CHRNA7: variants seen among roughly 807,000 people sequenced by gnomAD.
The protein encoded by CHRNA7 is neuronal acetylcholine receptor subunit alpha-7.
CHRNA7 carries 17 observed loss-of-function variants against 48.0 expected under a neutral mutation model. The observed-to-expected ratio is 0.35, with a 90% CI of 0.24 to 0.53. The LOEUF is 0.53. Among genes scored for constraint, CHRNA7 ranks in the 20% least tolerant of loss-of-function variants. The pLI is 0.92. For synonymous variants in CHRNA7, 75 were observed against 242.3 expected, an observed-to-expected ratio of 0.31 and a Z score of 6.41; for missense variants, 155 against 577.7, an observed-to-expected ratio of 0.27 and a Z score of 7.50.
At chr15:32,100,880 A>G (rs1235127032) in intron 2 of CHRNA7, 2 of 177,996 alleles carry the variant, frequency 1.1e-5, no homozygotes, top group African/African-American at 4.8e-5. Context: ...AGGGAGGCAT[A>G]ACATACTTGT....
chr15:32,125,333 C>T (rs532452678), intron 4 of CHRNA7, among the ~76,000 whole-genome samples: 65 of 152,306 alleles, frequency 4.3e-4, no homozygotes, highest in African/African-American at 1.3e-3. Context: ...CTGAGGAAAA[C>T]GATAAAAATT....
At chr15:32,134,993 C>G (rs1036193901) in intron 4 of CHRNA7, among the ~76,000 whole-genome samples, 3 of 152,196 alleles carry the variant, frequency 2.0e-5, no homozygotes, top group African/African-American at 7.2e-5. Flanking sequence ...TTCTGTGCAC[C>G]AGGTCCTGTT....
chr15:32,117,023 C>G (rs918441013), intron 4 of CHRNA7, among the ~76,000 whole-genome samples: 4 of 152,124 alleles, frequency 2.6e-5, no homozygotes, highest in Admixed American at 2.6e-4. Flanking sequence ...TTGTGCTCAT[C>G]ATTGTTGCCA....
At chr15:32,114,027 T>TATAC (rs1555383650) in intron 4 of CHRNA7, among the ~76,000 whole-genome samples, 9 of 91,864 alleles carry the variant, frequency 9.8e-5, no homozygotes, top group African/African-American at 3.4e-4. Context: ...CAAATATATA[T>TATAC]ATATATATAT....
intron 2 of CHRNA7, among the ~76,000 whole-genome samples, chr15:32,090,670 CTGT>C (rs2050368799): frequency 2.1e-5 from 3 of 141,692 alleles, no homozygotes; most frequent in African/African-American, 7.9e-5. Flanking sequence ...TTTTTTTTTT[CTGT>C]TGTTATGAGA....
chr15:32,167,229 T>TTA (rs1566894521), intron 9 of CHRNA7: 1 of 157,684 alleles, frequency 6.3e-6, no homozygotes, highest in East Asian at 1.9e-4. Flanking sequence ...AACACTTTAA[T>TTA]AAGTATTTAT....
In CHRNA7 at chr15:32,046,268, A is replaced by G. The variant is rs563025719; in HGVS notation, c.195+15231A>G. On this transcript the variant is annotated intron_variant, in intron 2 of 9. Transcript: ENST00000306901. ...CACTGACTTCCACAATGGTTGAACTAGTTTACAGTCCCACCAGCAGTGTAA... is the reference window on the plus strand; with the variant it reads ...CACTGACTTCCACAATGGTTGAACTGGTTTACAGTCCCACCAGCAGTGTAA... Among the ~76,000 whole-genome samples, 259 of 149,864 alleles carry G rather than the reference A, an allele frequency of 1.7e-3. 2 individuals carry two copies. The highest frequency in any genetic ancestry group is 5.9e-3 in the African/African-American group (238 of 40,106).
At chr15:32,063,849 C>CT (rs1566813478) in intron 2 of CHRNA7, among the ~76,000 whole-genome samples, 1 of 152,178 alleles carries the variant, frequency 6.6e-6, no homozygotes, top group African/African-American at 2.4e-5. Context: ...CAAATAGCTA[C>CT]TTTGTATTAT....
chr15:32,142,167 A>G (rs7496375), intron 4 of CHRNA7, among the ~76,000 whole-genome samples: 149,962 of 151,306 alleles, frequency 0.99, 74,330 homozygotes, highest in Middle Eastern at 1. Context: ...TTCTGCATCT[A>G]TTGAGATAAT....
At position 32,069,708 on chromosome 15, in the gene CHRNA7, T is replaced by G. The variant is rs114033818; in HGVS notation, c.196-31595T>G. ...AATTCTGTACTTTAAAAAGATAATT[T>G]TATCATACATTAATTATGGCTCATT... On this transcript the variant is annotated intron_variant, in intron 2 of 9. Coordinates refer to ENST00000306901, the MANE Select transcript of CHRNA7 (RefSeq NM_000746.6). 2.7e-3 allele frequency among the ~76,000 whole-genome samples: 406 copies of G among 152,274 alleles called. 2 individuals carry two copies. The highest frequency in any genetic ancestry group is 9.5e-3 in the African/African-American group (393 of 41,564).
At chr15:32,094,666 CT>C (rs5811680) in intron 2 of CHRNA7, among the ~76,000 whole-genome samples, 114,323 of 146,242 alleles carry the variant, frequency 0.78, 44,774 homozygotes, top group East Asian at 0.93. Flanking sequence ...TTTTCTTTTT[CT>C]TTTTTTTTTT....
At chr15:32,068,245 G>C (rs2049997494) in intron 2 of CHRNA7, among the ~76,000 whole-genome samples, 1 of 152,158 alleles carries the variant, frequency 6.6e-6, no homozygotes. Context: ...GCATGAGTTT[G>C]AGGCTACAGT....
intron 2 of CHRNA7, among the ~76,000 whole-genome samples, chr15:32,066,019 G>T (rs1343575869): frequency 6.6e-6 from 1 of 152,262 alleles, no homozygotes; most frequent in Non-Finnish European, 1.5e-5. Context: ...GCTGTCAGCT[G>T]CCTGGCTGTG....
At chr15:32,051,581 T>TC (rs61255252) in intron 2 of CHRNA7, among the ~76,000 whole-genome samples, 131,920 of 151,956 alleles carry the variant, frequency 0.87, 58,249 homozygotes, top group South Asian at 0.95. Context: ...GAAAGGGAAC[T>TC]CCCTGACCCC....
intron 2 of CHRNA7, among the ~76,000 whole-genome samples, chr15:32,053,053 A>G (rs1467775455): frequency 2.0e-5 from 3 of 152,192 alleles, no homozygotes; most frequent in African/African-American, 2.4e-5. Flanking sequence ...ATTGATACCA[A>G]TTTATTATGG....
chr15:32,030,551 C>T lies in CHRNA7; in HGVS notation c.-44C>T, dbSNP rs767515800. The T allele has an allele frequency of 4.8e-6, 7 of 1,444,438 alleles. No homozygotes were observed. The highest frequency in any genetic ancestry group is 2.8e-5 in the South Asian group (2 of 71,994). 89.5% of individuals were successfully genotyped at this position (1,444,438 alleles called of 1,614,324 possible). ...CGCAGGCGCAGGCCCGGGCGACAGC[C>T]GAGACGTGGAGCGCGCCGGCTCGCT... On this transcript the variant is annotated 5_prime_UTR_variant, in exon 1 of 10. Transcript: ENST00000306901.
At chr15:32,108,593 C>T (rs1294325444) in intron 3 of CHRNA7, among the ~76,000 whole-genome samples, 1 of 152,106 alleles carries the variant, frequency 6.6e-6, no homozygotes, top group African/African-American at 2.4e-5. Flanking sequence ...GCTGGTGGGG[C>T]CCCCGGGCTC....
At chr15:32,077,081 A>G (rs542526384) in intron 2 of CHRNA7, among the ~76,000 whole-genome samples, 2 of 151,998 alleles carry the variant, frequency 1.3e-5, no homozygotes, top group East Asian at 1.9e-4. Context: ...CTTCTTTCAC[A>G]TAGTAATATG....
intron 2 of CHRNA7, among the ~76,000 whole-genome samples, chr15:32,061,154 G>A (rs2049872601): frequency 6.6e-6 from 1 of 152,212 alleles, no homozygotes; most frequent in Admixed American, 6.5e-5. Flanking sequence ...CATGGTGCTT[G>A]TAGGAGTGGA....
Sources: gnomAD v4.1 joint callset for allele counts (sites outside exome capture counted in the v4.1 genomes callset) on GRCh38, gnomAD v4.1.1 for gene constraint, MANE v1.5 for transcripts, NCBI Gene and HGNC (gene_info 2026-07-23, HGNC 2026-07-21) for gene names.